Variants in C14orf180 observed in about 807,000 individuals in gnomAD.
C14orf180 encodes the protein chromosome 14 open reading frame 180.
C14orf180 carries 13 observed loss-of-function variants against 13.9 expected under a neutral mutation model. The observed-to-expected ratio is 0.94, with a 90% CI of 0.61 to 1.49. The LOEUF (loss-of-function observed/expected upper bound fraction) is 1.49. Ranked by LOEUF, C14orf180 falls within the 40% of genes most tolerant of loss-of-function variation. The pLI is 0.00. For missense variants in C14orf180, 238 were observed against 232.0 expected, an observed-to-expected ratio of 1.03 and a Z score of -0.17; for synonymous variants, 113 against 106.3, an observed-to-expected ratio of 1.06 and a Z score of -0.39.
At position 104,588,756 on chromosome 14, in the gene C14orf180, C is replaced by T; in HGVS notation, c.456C>T (p.Thr152=). The T allele has an allele frequency of 6.5e-7, 1 of 1,534,290 alleles. No individual in the cohort carries two copies. The highest frequency in any genetic ancestry group is 1.2e-5 in the South Asian group (1 of 83,924). ...TGCACCTGCGGCACGTGGCCCTCAC[C>T]TGCTGGCGCGGCCTCCTGCGGCTCT... ...LVLHLRHVAL[T]CWRGLLRL is the part of the protein sequence containing the mutation. Residue 152 remains threonine, a synonymous_variant, in exon 5 of 5, where the codon ACC becomes ACT. Transcript: ENST00000557649.
intron 1 of C14orf180, among the ~76,000 whole-genome samples, chr14:104,585,999 C>T (rs748094311): frequency 5.9e-5 from 9 of 152,186 alleles, no homozygotes; most frequent in African/African-American, 1.7e-4. Context: ...CAGGGCTTCC[C>T]GCTACCGAAA....
Position 104,588,395 on chromosome 14 carries a change from A to G in C14orf180, c.277+86A>G. 2.5e-6 allele frequency: 4 copies of G among 1,578,688 alleles called. No individual in the cohort carries two copies. The Admixed American group carries it at 5.0e-5, about 20-fold the overall frequency. Reference sequence around the variant, plus strand: ...ACTCCCTCCCCGAGGGAGGTGTCACAGGGCCAGGGCCTCTAAGGAGTCCCC... The same window carrying G: ...ACTCCCTCCCCGAGGGAGGTGTCACGGGGCCAGGGCCTCTAAGGAGTCCCC... On this transcript the variant is annotated intron_variant, in intron 4 of 4. Coordinates refer to ENST00000557649, the MANE Select transcript of C14orf180 (RefSeq NM_001008404.3).
At chr14:104,586,064 A>G (rs1596288909) in intron 1 of C14orf180, among the ~76,000 whole-genome samples, 1 of 152,250 alleles carries the variant, frequency 6.6e-6, no homozygotes, top group East Asian at 1.9e-4. Flanking sequence ...CAAACATTGC[A>G]AATGACAATA....
chr14:104,588,730 C>T lies in C14orf180; in HGVS notation c.430C>T (p.Leu144=), dbSNP rs761153996. ...DLRARLLGLV[L]HLRHVALTCW... ...GCGGGCCCGGCTCCTCGGCCTTGTC[C>T]TGCACCTGCGGCACGTGGCCCTCAC... Residue 144 remains leucine, a synonymous_variant, in exon 5 of 5, where the codon CTG becomes TTG. Coordinates refer to ENST00000557649, the MANE Select transcript of C14orf180 (RefSeq NM_001008404.3). 1 of 1,535,878 alleles carries T rather than the reference C, an allele frequency of 6.5e-7. No homozygotes were observed. The highest frequency in any genetic ancestry group is 2.0e-5 in the Admixed American group (1 of 51,000).
At position 104,589,642 on chromosome 14, in the gene C14orf180, G is replaced by C. The variant is rs536034750; in HGVS notation, c.*859G>C. The C allele has an allele frequency of 3.9e-5, 6 of 152,600 alleles. No homozygotes were observed. Among genetic ancestry groups the C allele is most frequent in the Non-Finnish European group, 7.3e-5 (5 of 68,078 alleles). The allele number at this position is 152,600 out of a possible 1,614,324, so 9.5% of individuals were successfully genotyped here. A position where few individuals can be genotyped will look rare whatever the true frequency, so the allele number is the denominator to read the frequency against. On this transcript the variant is annotated 3_prime_UTR_variant, in exon 5 of 5. Transcript: ENST00000557649. This position sits in a 1 kb window ranked among gnomAD's most constrained non-coding sequence, Gnocchi z 4.9. ...CCAGGGGCCTCTCCAGACCCTACGT[G>C]GGGGGAGGGCTGAACAAAGCAGGGA...
At position 104,589,352 on chromosome 14, in the gene C14orf180, C is replaced by T. The variant is rs558475065; in HGVS notation, c.*569C>T. On this transcript the variant is annotated 3_prime_UTR_variant, in exon 5 of 5. Coordinates refer to ENST00000557649, the MANE Select transcript of C14orf180 (RefSeq NM_001008404.3). The surrounding 1 kb of genome is among the most constrained non-coding windows in gnomAD (Gnocchi z 4.9). ...CAGGTCTGACCCCCCTACCCAGCCC[C>T]GTGAGTCTGGAGAGGCCCCAGGGAA... is the stretch of plus-strand genomic sequence containing the variant. 1.6e-4 allele frequency: 25 copies of T among 155,662 alleles called. No homozygotes were observed. Among genetic ancestry groups the T allele is most frequent in the South Asian group, 1.2e-3 (6 of 4,864 alleles). The allele number at this position is 155,662 out of a possible 1,614,324, so 9.6% of individuals were successfully genotyped here.
intron 3 of C14orf180, 99 bp downstream of exon 3, chr14:104,587,977 G>A (rs1886692624): frequency 2.8e-6 from 4 of 1,423,208 alleles, no homozygotes; most frequent in Non-Finnish European, 3.8e-6. Context: ...CAGGGCCCAG[G>A]ACATGGGGGG....
At chr14:104,584,587 G>A (rs12878589) in intron 1 of C14orf180, among the ~76,000 whole-genome samples, 19,243 of 152,084 alleles carry the variant, frequency 0.13, 1,904 homozygotes, top group East Asian at 0.55. Flanking sequence ...TGGGGATCAC[G>A]CAGAGCCCAC....
intron 1 of C14orf180, among the ~76,000 whole-genome samples, chr14:104,585,241 A>G (rs1054434455): frequency 1.3e-5 from 2 of 152,156 alleles, no homozygotes; most frequent in Non-Finnish European, 2.9e-5. Context: ...ACTGCCCCCT[A>G]TCCAGCTGGG....
chr14:104,590,259 A>AG lies in C14orf180; in HGVS notation c.*1478dup, dbSNP rs1322922293. On this transcript the variant is annotated 3_prime_UTR_variant, in exon 5 of 5. Coordinates refer to ENST00000557649, the MANE Select transcript of C14orf180 (RefSeq NM_001008404.3). The stretch of plus-strand genomic sequence containing the variant: ...GGCCCAGCCCATCCCACCCCACCCC[A>AG]GGAAGGAGGATGGGCAGGTTCCTGC... 1 of 51,500 alleles carries AG rather than the reference A, an allele frequency of 1.9e-5. No individual in the cohort carries two copies. Among genetic ancestry groups the AG allele is most frequent in the Non-Finnish European group, 3.8e-5 (1 of 26,388 alleles). 3.2% of individuals were successfully genotyped at this position (51,500 alleles called of 1,614,324 possible).
chr14:104,584,012 TACTCACACATGTGTGC>T, intron 1 of C14orf180, among the ~76,000 whole-genome samples: 1 of 152,166 alleles, frequency 6.6e-6, no homozygotes. Flanking sequence ...CTCAGGGGAA[TACTCACACATGTGTGC>T]ACTCACACAC....
chr14:104,580,657 C>T (rs1886403471), intron 1 of C14orf180, among the ~76,000 whole-genome samples: 1 of 152,360 alleles, frequency 6.6e-6, no homozygotes, highest in Admixed American at 6.5e-5. Flanking sequence ...TCCCTGAGAA[C>T]TGGCTCTTTT....
chr14:104,581,107 G>A (rs1256054323), intron 1 of C14orf180: 1 of 152,290 alleles, frequency 6.6e-6, no homozygotes. Context: ...TACTTAAGTC[G>A]AGAACGCATG....
Position 104,587,765 on chromosome 14 carries a change from G to GC in C14orf180, c.135dup (p.Ser46LeufsTer39), listed in dbSNP as rs761345073. ...CCACACCAGGAGGACAACAGGAAGT[G>GC]CCCCCCCTCCATCCTGAAACGGAGC... On this transcript the variant is annotated frameshift_variant, in exon 3 of 5. Coordinates refer to ENST00000557649, the MANE Select transcript of C14orf180 (RefSeq NM_001008404.3). LOFTEE classifies it high-confidence loss of function. 1.7e-5 allele frequency: 28 copies of GC among 1,612,340 alleles called. No individual in the cohort carries two copies. The highest frequency in any genetic ancestry group is 9.9e-5 in the South Asian group (9 of 90,870).
At chr14:104,583,968 C>G (rs957615553) in intron 1 of C14orf180, among the ~76,000 whole-genome samples, 1 of 152,104 alleles carries the variant, frequency 6.6e-6, no homozygotes, top group Admixed American at 6.5e-5. Context: ...CACTCATGCC[C>G]TCTGACACAC....
chr14:104,587,614 AGGC>A (rs1724127286), intron 2 of C14orf180, 132 bp from the exon 3 acceptor site: 1 of 878,246 alleles, frequency 1.1e-6, no homozygotes, highest in Admixed American at 2.9e-5. Flanking sequence ...AGGAAGTGAC[AGGC>A]CCAGCATAGC....
At position 104,588,671 on chromosome 14, in the gene C14orf180, G is replaced by T; in HGVS notation, c.371G>T (p.Arg124Leu). The T allele has an allele frequency of 6.5e-7, 1 of 1,534,588 alleles. No individual in the cohort carries two copies. The highest frequency in any genetic ancestry group is 2.0e-5 in the Admixed American group (1 of 50,882). ...LVLALGLYCGRAKPVATALED... is the reference protein window; with the variant it reads ...LVLALGLYCGLAKPVATALED... The stretch of plus-strand genomic sequence containing the variant: ...CTGGCCCTGGGCCTATACTGCGGCC[G>T]GGCCAAGCCCGTGGCAACGGCACTG... The change falls in exon 5 of 5, where the codon CGG becomes CTG. Residue 124 changes from arginine to leucine, a missense_variant. By Grantham distance (102) the Arg-to-Leu change is moderately radical. Coordinates refer to ENST00000557649, the MANE Select transcript of C14orf180 (RefSeq NM_001008404.3).
Position 104,588,571 on chromosome 14 carries a change from G to A in C14orf180, c.278-7G>A. The A allele has an allele frequency of 6.9e-7, 1 of 1,442,654 alleles. No individual in the cohort carries two copies. The highest frequency in any genetic ancestry group is 9.1e-7 in the Non-Finnish European group (1 of 1,102,884). 89.4% of individuals were successfully genotyped at this position (1,442,654 alleles called of 1,614,324 possible). On this transcript the variant is annotated splice_polypyrimidine_tract_variant and splice_region_variant and intron_variant, in intron 4 of 4. Transcript: ENST00000557649. The stretch of plus-strand genomic sequence containing the variant: ...TGGCGCTGACCCTGCCTGCCCTCTG[G>A]CCGCAGTGCCCGGCCGGCCCAGGCC...
At position 104,590,085 on chromosome 14, in the gene C14orf180, G is replaced by A. The variant is rs1410504128; in HGVS notation, c.*1302G>A. On this transcript the variant is annotated 3_prime_UTR_variant, in exon 5 of 5. Coordinates refer to ENST00000557649, the MANE Select transcript of C14orf180 (RefSeq NM_001008404.3). ...CTGCAACTCCAGGTGCCAGGGAACA[G>A]GTGAAGTGGTCTCCAGGGTCACTTC... 1 of 152,368 alleles carries A rather than the reference G, an allele frequency of 6.6e-6. No homozygotes were observed. Among genetic ancestry groups the A allele is most frequent in the South Asian group, 2.1e-4 (1 of 4,828 alleles). The allele number at this position is 152,368 out of a possible 1,614,324, so 9.4% of individuals were successfully genotyped here. A position where few individuals can be genotyped will look rare whatever the true frequency, so the allele number is the denominator to read the frequency against.
Sources: allele counts gnomAD v4.1 joint callset (sites outside exome capture counted in the v4.1 genomes callset), GRCh38; gene constraint gnomAD v4.1.1; non-coding constraint Gnocchi (gnomAD v3.1); transcripts MANE v1.5; gene names NCBI Gene and HGNC (gene_info 2026-07-23, HGNC 2026-07-21).